Variants in KCNH7 observed in about 807,000 individuals in gnomAD.
KCNH7 encodes the protein voltage-gated inwardly rectifying potassium channel KCNH7.
A neutral mutation model predicts 120.8 loss-of-function variants in KCNH7; 49 were observed. The observed-to-expected ratio is 0.41, with a 90% CI of 0.32 to 0.51. The LOEUF is 0.51. Ranked by LOEUF, KCNH7 falls within the 20% of genes least tolerant of loss-of-function variation. The pLI is 0.38. For missense variants in KCNH7, 1,097 were observed against 1,446.6 expected, an observed-to-expected ratio of 0.76 and a Z score of 3.92; for synonymous variants, 547 against 516.1, an observed-to-expected ratio of 1.06 and a Z score of -0.81.
chr2:162,807,972 G>T (rs536044823), intron 2 of KCNH7, among the ~76,000 whole-genome samples: 1 of 152,028 alleles, frequency 6.6e-6, no homozygotes, highest in African/African-American at 2.4e-5. Flanking sequence ...GTGAGCCACC[G>T]CTCCCAGCCA....
chr2:162,772,303 AC>A (rs756700581), intron 2 of KCNH7, among the ~76,000 whole-genome samples: 26 of 152,160 alleles, frequency 1.7e-4, no homozygotes, highest in Non-Finnish European at 3.1e-4. Flanking sequence ...GGTAAGCTAT[AC>A]TTTTTTATTT....
chr2:162,702,850 G>T (rs1409136950), intron 2 of KCNH7, among the ~76,000 whole-genome samples: 7 of 151,838 alleles, frequency 4.6e-5, no homozygotes, highest in Admixed American at 4.6e-4. Context: ...ATCCTCTCTG[G>T]TCATAGGAAT....
At chr2:162,770,009 C>G (rs900517086) in intron 2 of KCNH7, among the ~76,000 whole-genome samples, 4 of 151,958 alleles carry the variant, frequency 2.6e-5, no homozygotes, top group Admixed American at 2.6e-4. Context: ...ATTAATTCAC[C>G]ATTTGTCCAA....
intron 2 of KCNH7, among the ~76,000 whole-genome samples, chr2:162,676,577 A>G (rs888987316): frequency 6.6e-6 from 1 of 151,482 alleles, no homozygotes; most frequent in African/African-American, 2.4e-5. Context: ...CTTCCCTAGC[A>G]AACAAGGCAC....
At position 162,429,383 on chromosome 2, in the gene KCNH7, C is replaced by CTTTTTTTTTTT. The variant is rs60854157; in HGVS notation, c.1954+5804_1954+5814dup. Among the ~76,000 whole-genome samples the CTTTTTTTTTTT allele has an allele frequency of 2.5e-3, 218 of 86,214 alleles. 35 individuals carry two copies. The highest frequency in any genetic ancestry group is 0.011 in the African/African-American group (182 of 15,958). The allele number at this position is 86,214 out of a possible 152,430, so 56.6% of individuals were successfully genotyped here. A position where few individuals can be genotyped will look rare whatever the true frequency, so the allele number is the denominator to read the frequency against. On this transcript the variant is annotated intron_variant, in intron 8 of 15. Transcript: ENST00000332142. ...AGACATTTAGAAATGAGGAAAAAGT[C>CTTTTTTTTTTT]TTTTTTTTTTTTTTTTTTTTTTACT...
At chr2:162,698,841 C>A (rs1026147246) in intron 2 of KCNH7, among the ~76,000 whole-genome samples, 2 of 151,904 alleles carry the variant, frequency 1.3e-5, no homozygotes, top group Non-Finnish European at 2.9e-5. Flanking sequence ...CTCTCATTTA[C>A]CTGTTATTAT....
chr2:162,375,405 A>G (rs1303530627), intron 14 of KCNH7, among the ~76,000 whole-genome samples: 1 of 152,304 alleles, frequency 6.6e-6, no homozygotes, highest in East Asian at 1.9e-4. Context: ...GATTCTACCT[A>G]TTTGAATAGT....
chr2:162,420,037 C>T (rs1687652668), intron 9 of KCNH7, among the ~76,000 whole-genome samples: 1 of 152,088 alleles, frequency 6.6e-6, no homozygotes, highest in Non-Finnish European at 1.5e-5. Flanking sequence ...TTCTGCACAT[C>T]TTTCAAATAC....
intron 2 of KCNH7, among the ~76,000 whole-genome samples, chr2:162,628,479 G>A (rs1054949752): frequency 1.3e-5 from 2 of 151,968 alleles, no homozygotes; most frequent in African/African-American, 4.8e-5. Flanking sequence ...TACATAAGCG[G>A]GTTTGTTACA....
intron 2 of KCNH7, among the ~76,000 whole-genome samples, chr2:162,774,867 G>T (rs1301489276): frequency 1.3e-5 from 2 of 152,016 alleles, no homozygotes; most frequent in Non-Finnish European, 2.9e-5. Context: ...CACTTCAAGG[G>T]CAATTAATAA....
At chr2:162,415,544 C>T (rs1324990349) in intron 9 of KCNH7, among the ~76,000 whole-genome samples, 1 of 152,034 alleles carries the variant, frequency 6.6e-6, no homozygotes, top group East Asian at 1.9e-4. Flanking sequence ...TACAATGATT[C>T]TATACTTTAA....
intron 2 of KCNH7, among the ~76,000 whole-genome samples, chr2:162,582,086 G>A (rs1040356289): frequency 3.0e-4 from 46 of 152,064 alleles, no homozygotes; most frequent in African/African-American, 1.1e-3. Flanking sequence ...GGATAAGCAT[G>A]GCTGAACAAT....
chr2:162,525,685 A>G (rs1691677344), intron 3 of KCNH7, among the ~76,000 whole-genome samples: 1 of 152,016 alleles, frequency 6.6e-6, no homozygotes, highest in Non-Finnish European at 1.5e-5. Context: ...GAAAGTGATA[A>G]CATCTTAACC....
At chr2:162,722,374 A>G (rs1466289986) in intron 2 of KCNH7, among the ~76,000 whole-genome samples, 1 of 152,166 alleles carries the variant, frequency 6.6e-6, no homozygotes, top group Non-Finnish European at 1.5e-5. Context: ...GAATAAGAAA[A>G]TAAAATTGAT....
chr2:162,666,411 G>A (rs73974036), intron 2 of KCNH7, among the ~76,000 whole-genome samples: 163 of 131,070 alleles, frequency 1.2e-3, no homozygotes, highest in African/African-American at 4.8e-3. Context: ...CAATACTTTT[G>A]AGAATTCTCA....
intron 2 of KCNH7, among the ~76,000 whole-genome samples, chr2:162,585,751 G>A (rs895065769): frequency 1.3e-5 from 2 of 151,850 alleles, no homozygotes; most frequent in Non-Finnish European, 2.9e-5. Flanking sequence ...CCCAAGCTGA[G>A]AGTAAGAATT....
intron 6 of KCNH7, among the ~76,000 whole-genome samples, chr2:162,455,796 T>A (rs1166034133): frequency 6.6e-6 from 1 of 151,972 alleles, no homozygotes; most frequent in South Asian, 2.1e-4. Context: ...CCCTTTATCA[T>A]TTTTTTATTG....
rs533516355 is a variant in KCNH7, at chr2:162,815,723, T to A, written c.307+20814A>T. Reference sequence around the variant, plus strand: ...AGCAGCCACAAATCAACTTTTCTTTTAAAACGTATTTATAAATACAACCAG... The same window carrying A: ...AGCAGCCACAAATCAACTTTTCTTTAAAAACGTATTTATAAATACAACCAG... On this transcript the variant is annotated intron_variant, in intron 2 of 15. Transcript: ENST00000332142. Among the ~76,000 whole-genome samples the A allele has an allele frequency of 2.2e-3, 331 of 152,242 alleles. 1 individual carries two copies. Among genetic ancestry groups the A allele is most frequent in the Middle Eastern group, 0.02 (6 of 294 alleles).
intron 2 of KCNH7, among the ~76,000 whole-genome samples, chr2:162,620,260 CAT>C (rs1264569849): frequency 6.6e-6 from 1 of 150,514 alleles, no homozygotes; most frequent in Non-Finnish European, 1.5e-5. Flanking sequence ...AGAAATTTTT[CAT>C]ATATATATGT....
Sources: gnomAD v4.1 joint callset for allele counts (sites outside exome capture counted in the v4.1 genomes callset) on GRCh38, gnomAD v4.1.1 for gene constraint, MANE v1.5 for transcripts, NCBI Gene and HGNC (gene_info 2026-07-23, HGNC 2026-07-21) for gene names.